The following DPP10 variants were observed in gnomAD, a reference collection of about 807,000 sequenced individuals.
The protein encoded by DPP10 is dipeptidyl peptidase like 10.
A neutral mutation model predicts 120.9 loss-of-function variants in DPP10; 33 were observed. The ratio of observed to expected loss-of-function variants is 0.27; its 90% confidence interval spans 0.21 to 0.37. The LOEUF (loss-of-function observed/expected upper bound fraction) is 0.37. DPP10 is among the 10% of genes least tolerant of loss of function. DPP10 has a pLI of 1.00. For missense variants in DPP10, 816 were observed against 942.8 expected, an observed-to-expected ratio of 0.87 and a Z score of 1.76; for synonymous variants, 337 against 326.1, an observed-to-expected ratio of 1.03 and a Z score of -0.36.
intron 1 of DPP10, among the ~76,000 whole-genome samples, chr2:115,010,084 G>A (rs1318085901): frequency 1.3e-5 from 2 of 152,090 alleles, no homozygotes; most frequent in African/African-American, 2.4e-5. Flanking sequence ...GCAACTTTAT[G>A]ATTTTAATAA....
intron 3 of DPP10, among the ~76,000 whole-genome samples, chr2:115,423,100 T>C (rs1003347560): frequency 6.6e-6 from 1 of 151,948 alleles, no homozygotes; most frequent in African/African-American, 2.4e-5. Flanking sequence ...AAACATTTAA[T>C]ATAACATATT....
chr2:115,526,742 A>G (rs1481688638), intron 5 of DPP10, among the ~76,000 whole-genome samples: 1 of 152,182 alleles, frequency 6.6e-6, no homozygotes, highest in Non-Finnish European at 1.5e-5. Flanking sequence ...AGGAAGCCTC[A>G]TATAATGCTT....
intron 1 of DPP10, among the ~76,000 whole-genome samples, chr2:115,033,697 CTTTTTT>C (rs10693499): frequency 7.2e-6 from 1 of 137,964 alleles, no homozygotes; most frequent in Non-Finnish European, 1.6e-5. Flanking sequence ...ATCTTCCCTC[CTTTTTT>C]TTTTTTTTAT....
chr2:114,846,001 A>G (rs975622916), intron 1 of DPP10, among the ~76,000 whole-genome samples: 26 of 151,644 alleles, frequency 1.7e-4, no homozygotes, highest in South Asian at 2.1e-4. Flanking sequence ...TTTTTTTCTC[A>G]TGCCAATATA....
At position 115,844,022 on chromosome 2, in the gene DPP10, T is replaced by A. The variant is rs1356943161; in HGVS notation, c.*1677T>A. On this transcript the variant is annotated 3_prime_UTR_variant, in exon 26 of 26. Coordinates refer to ENST00000410059, the MANE Select transcript of DPP10 (RefSeq NM_020868.6). ...TGGATTTGGTATTCAACTTTTTCCC[T>A]GGATGCTTTGGAATCGTGTCTTCCA... 6.6e-6 allele frequency: 1 copy of A among 152,616 alleles called. No individual in the cohort carries two copies. The highest frequency in any genetic ancestry group is 1.5e-5 in the Non-Finnish European group (1 of 68,006). 9.5% of individuals were successfully genotyped at this position (152,616 alleles called of 1,614,324 possible).
chr2:115,321,131 C>G (rs1010500413), intron 2 of DPP10, among the ~76,000 whole-genome samples: 3 of 152,064 alleles, frequency 2.0e-5, no homozygotes, highest in African/African-American at 7.2e-5. Flanking sequence ...AAAACCCTGT[C>G]TCTGCTAAAA....
chr2:115,397,598 G>A (rs1314164098), intron 3 of DPP10, among the ~76,000 whole-genome samples: 1 of 152,136 alleles, frequency 6.6e-6, no homozygotes, highest in Non-Finnish European at 1.5e-5. Flanking sequence ...CTGCATACAA[G>A]TAGTCTTACT....
intron 17 of DPP10, among the ~76,000 whole-genome samples, chr2:115,789,424 ATAAAT>A (rs1414553483): frequency 2.6e-5 from 4 of 152,344 alleles, no homozygotes; most frequent in Admixed American, 6.5e-5. Context: ...AATAATAATA[ATAAAT>A]TAATAGGAAT....
chr2:114,774,297 T>G (rs972944178), intron 1 of DPP10, among the ~76,000 whole-genome samples: 1 of 152,068 alleles, frequency 6.6e-6, no homozygotes, highest in Non-Finnish European at 1.5e-5. Context: ...CTTCATGCAC[T>G]ACATTCCATA....
intron 1 of DPP10, among the ~76,000 whole-genome samples, chr2:114,469,727 C>CA (rs879940360): frequency 3.7e-4 from 56 of 151,218 alleles, no homozygotes; most frequent in Admixed American, 5.9e-4. Flanking sequence ...GACTCCATCT[C>CA]AAAAAAAACA....
In DPP10 at chr2:115,815,552, G is replaced by A. The variant is rs1002554688; in HGVS notation, c.1896-123G>A. The A allele has an allele frequency of 2.6e-5, 22 of 833,936 alleles. No individual in the cohort carries two copies. The African/African-American group carries it at 3.6e-4, about 14-fold the overall frequency. 51.7% of individuals were successfully genotyped at this position (833,936 alleles called of 1,614,324 possible). ...TATATGACCCTAATACATGAACAGA[G>A]CTACAGTTAGTAAAGCATTTCTAGT... On this transcript the variant is annotated intron_variant, in intron 20 of 25. Transcript: ENST00000410059.
chr2:114,613,059 C>T (rs1188324676), intron 1 of DPP10, among the ~76,000 whole-genome samples: 2 of 152,118 alleles, frequency 1.3e-5, no homozygotes, highest in Non-Finnish European at 2.9e-5. Flanking sequence ...ATGATCATGA[C>T]ATTTATCCCC....
chr2:115,615,538 A>C (rs532361783), intron 5 of DPP10, among the ~76,000 whole-genome samples: 1 of 152,320 alleles, frequency 6.6e-6, no homozygotes, highest in Admixed American at 6.5e-5. Context: ...GTATTCTATT[A>C]AAATGTAGAC....
At chr2:115,321,516 T>TTG (rs1559417859) in intron 2 of DPP10, among the ~76,000 whole-genome samples, 1 of 1,632 alleles carries the variant, frequency 6.1e-4, no homozygotes, top group East Asian at 3.2e-3. Context: ...TTTTTTAGTG[T>TTG]TTTTTTTTTT....
intron 1 of DPP10, among the ~76,000 whole-genome samples, chr2:114,496,656 G>C (rs1387716464): frequency 6.6e-6 from 1 of 151,978 alleles, no homozygotes; most frequent in Non-Finnish European, 1.5e-5. Flanking sequence ...GGAGGGTTTT[G>C]AACATATGAA....
chr2:115,205,066 C>G lies in DPP10; in HGVS notation c.61-104173C>G, dbSNP rs189603070. On this transcript the variant is annotated intron_variant, in intron 1 of 25. Transcript: ENST00000410059. ...TGTCTGTTTACTTTGTATATAGTTT[C>G]TTTTGCTGTGCAGAGGCTGTTTAGT... is the stretch of plus-strand genomic sequence containing the variant. 2.4e-4 allele frequency among the ~76,000 whole-genome samples: 37 copies of G among 152,114 alleles called. No homozygotes were observed. In the East Asian group the frequency reaches 7.2e-3, roughly 29 times the overall value.
intron 1 of DPP10, among the ~76,000 whole-genome samples, chr2:114,987,681 A>T (rs1349923281): frequency 6.6e-6 from 1 of 152,146 alleles, no homozygotes; most frequent in Non-Finnish European, 1.5e-5. Context: ...TCTTAAAGCT[A>T]AAATTAGTAG....
chr2:115,279,321 C>G (rs143293503), intron 1 of DPP10, among the ~76,000 whole-genome samples: 178 of 152,110 alleles, frequency 1.2e-3, no homozygotes, highest in African/African-American at 4.1e-3. Flanking sequence ...CAACATTTTA[C>G]TATGTGGAAT....
At chr2:115,583,008 T>C (rs2082087013) in intron 5 of DPP10, among the ~76,000 whole-genome samples, 2 of 152,228 alleles carry the variant, frequency 1.3e-5, no homozygotes, top group Non-Finnish European at 2.9e-5. Flanking sequence ...TGATTGCGTA[T>C]TTTAATCTCC....
Sources: gnomAD v4.1 joint callset for allele counts (sites outside exome capture counted in the v4.1 genomes callset) on GRCh38, gnomAD v4.1.1 for gene constraint, MANE v1.5 for transcripts, NCBI Gene and HGNC (gene_info 2026-07-23, HGNC 2026-07-21) for gene names.